C1orf185: variants seen among roughly 807,000 people sequenced by gnomAD.
C1orf185 encodes the protein uncharacterized protein C1orf185.
A neutral mutation model predicts 16.1 loss-of-function variants in C1orf185; 13 were observed. That is an observed-to-expected ratio of 0.81 (90% CI 0.53 to 1.28). The LOEUF (loss-of-function observed/expected upper bound fraction) is 1.28. Ranked by LOEUF, C1orf185 falls within the 50% of genes most tolerant of loss-of-function variation. C1orf185 has a pLI of 0.00. For missense variants in C1orf185, 220 were observed against 225.2 expected (o/e 0.98, Z 0.15); for synonymous variants, 80 against 76.9 (o/e 1.04, Z -0.21).
intron 3 of C1orf185, among the ~76,000 whole-genome samples, chr1:51,125,882 G>T (rs1045491942): frequency 1.3e-5 from 2 of 152,158 alleles, no homozygotes; most frequent in African/African-American, 2.4e-5. Context: ...CAGGAGCTAG[G>T]TGCGGTGGCT....
In C1orf185 at chr1:51,112,382, A is replaced by G. The variant is rs886634927; in HGVS notation, c.17-82A>G. 2.7e-6 allele frequency: 3 copies of G among 1,118,776 alleles called. No individual in the cohort carries two copies. In the African/African-American group the frequency reaches 4.8e-5, roughly 18 times the overall value. The allele number at this position is 1,118,776 out of a possible 1,614,324, so 69.3% of individuals were successfully genotyped here. A position where few individuals can be genotyped will look rare whatever the true frequency, so the allele number is the denominator to read the frequency against. On this transcript the variant is annotated intron_variant, in intron 1 of 4. Coordinates refer to ENST00000371759, the MANE Select transcript of C1orf185 (RefSeq NM_001136508.2). ...ATGTCTTAACACTACAACATGCTAT[A>G]TCATTTGAAGTTTATCATTCAGTTT... is the stretch of plus-strand genomic sequence containing the variant.
chr1:51,124,411 G>A (rs1486844726), intron 3 of C1orf185, among the ~76,000 whole-genome samples: 1 of 152,160 alleles, frequency 6.6e-6, no homozygotes, highest in Admixed American at 6.5e-5. Context: ...GTGTGTTTTT[G>A]TTGCAGGGCA....
At chr1:51,120,253 G>A (rs547171356) in intron 3 of C1orf185, among the ~76,000 whole-genome samples, 3 of 152,266 alleles carry the variant, frequency 2.0e-5, no homozygotes, top group South Asian at 2.1e-4. Context: ...CCCTTAGGCC[G>A]CACAGAACCA....
chr1:51,134,973 A>C (rs1272309157), intron 3 of C1orf185, among the ~76,000 whole-genome samples: 1 of 152,312 alleles, frequency 6.6e-6, no homozygotes, highest in East Asian at 1.9e-4. Context: ...ATTAAGGAGG[A>C]GGGACTCCTC....
chr1:51,137,766 G>C (rs1173400298), intron 3 of C1orf185, among the ~76,000 whole-genome samples: 1 of 152,122 alleles, frequency 6.6e-6, no homozygotes, highest in African/African-American at 2.4e-5. Context: ...GTTCACTGCA[G>C]CATTATTCAC....
At chr1:51,141,794 A>G (rs1029714239) in intron 3 of C1orf185, among the ~76,000 whole-genome samples, 1 of 152,174 alleles carries the variant, frequency 6.6e-6, no homozygotes, top group Non-Finnish European at 1.5e-5. Flanking sequence ...TTTTCAAATT[A>G]GGGAAATTTA....
At chr1:51,126,182 G>A (rs1213830299) in intron 3 of C1orf185, among the ~76,000 whole-genome samples, 1 of 152,194 alleles carries the variant, frequency 6.6e-6, no homozygotes, top group Non-Finnish European at 1.5e-5. Context: ...CACTGCAACT[G>A]AGAAACTCAG....
At chr1:51,140,384 C>A (rs1375574690) in intron 3 of C1orf185, among the ~76,000 whole-genome samples, 1 of 152,076 alleles carries the variant, frequency 6.6e-6, no homozygotes, top group Admixed American at 6.6e-5. Flanking sequence ...GGAAAATATG[C>A]CTTCTGGTTT....
chr1:51,114,530 C>A (rs1646144461), intron 2 of C1orf185, among the ~76,000 whole-genome samples: 1 of 152,104 alleles, frequency 6.6e-6, no homozygotes, highest in South Asian at 2.1e-4. Context: ...CGAGACCAGC[C>A]TGGCCATCAT....
At chr1:51,111,083 G>A (rs1033378116) in intron 1 of C1orf185, among the ~76,000 whole-genome samples, 1 of 151,898 alleles carries the variant, frequency 6.6e-6, no homozygotes, top group Non-Finnish European at 1.5e-5. Context: ...GAATCTTAAG[G>A]AAGACTTGAC....
chr1:51,106,907 G>A (rs992620426), intron 1 of C1orf185, among the ~76,000 whole-genome samples: 1 of 151,938 alleles, frequency 6.6e-6, no homozygotes, highest in African/African-American at 2.4e-5. Flanking sequence ...ACAGGCACAC[G>A]CCACCATGCT....
At chr1:51,130,624 A>G (rs1259303293) in intron 3 of C1orf185, among the ~76,000 whole-genome samples, 1 of 152,206 alleles carries the variant, frequency 6.6e-6, no homozygotes, top group East Asian at 1.9e-4. Flanking sequence ...TTGTCCCAAC[A>G]TCATTTGTAG....
intron 3 of C1orf185, among the ~76,000 whole-genome samples, chr1:51,127,672 CACTT>C (rs930878297): frequency 3.3e-5 from 5 of 152,062 alleles, no homozygotes; most frequent in Non-Finnish European, 5.9e-5. Context: ...TGATTACTCT[CACTT>C]AATAAAAGTT....
intron 3 of C1orf185, among the ~76,000 whole-genome samples, chr1:51,142,333 A>C (rs906604535): frequency 3.9e-5 from 6 of 152,158 alleles, no homozygotes; most frequent in Admixed American, 1.3e-4. Flanking sequence ...GGCATTTTTG[A>C]AAGTCCACGA....
At chr1:51,116,837 A>C (rs1646161485) in intron 2 of C1orf185, among the ~76,000 whole-genome samples, 1 of 151,948 alleles carries the variant, frequency 6.6e-6, no homozygotes, top group South Asian at 2.1e-4. Flanking sequence ...ACTTACTTTC[A>C]CATGTCCCCT....
chr1:51,111,751 C>T (rs1044617334), intron 1 of C1orf185, among the ~76,000 whole-genome samples: 1 of 152,188 alleles, frequency 6.6e-6, no homozygotes, highest in Non-Finnish European at 1.5e-5. Context: ...AACTCCTGAC[C>T]TCAGGTGCTC....
intron 3 of C1orf185, among the ~76,000 whole-genome samples, chr1:51,135,156 A>G (rs1646314230): frequency 6.6e-6 from 1 of 152,252 alleles, no homozygotes; most frequent in Non-Finnish European, 1.5e-5. Flanking sequence ...CACCATGATC[A>G]AGTAGGCTTT....
chr1:51,106,980 A>G (rs545322906), intron 1 of C1orf185, among the ~76,000 whole-genome samples: 1 of 151,922 alleles, frequency 6.6e-6, no homozygotes, highest in African/African-American at 2.4e-5. Flanking sequence ...GATGGTTTTG[A>G]TCTCCTGACC....
At chr1:51,110,810 A>G (rs1646111033) in intron 1 of C1orf185, among the ~76,000 whole-genome samples, 1 of 152,112 alleles carries the variant, frequency 6.6e-6, no homozygotes, top group Non-Finnish European at 1.5e-5. Context: ...GTCTACTAAA[A>G]ATACAAAAAT....
Sources: gnomAD v4.1 joint callset for allele counts (sites outside exome capture counted in the v4.1 genomes callset) on GRCh38, gnomAD v4.1.1 for gene constraint, MANE v1.5 for transcripts, NCBI Gene and HGNC (gene_info 2026-07-23, HGNC 2026-07-21) for gene names.